The following EYS variants were observed in gnomAD, a reference collection of about 807,000 sequenced individuals.
EYS encodes EGF-like photoreceptor maintenance factor.
Under a neutral mutation model 282.1 loss-of-function variants are expected in EYS, and 250 were observed. The ratio of observed to expected loss-of-function variants is 0.89; its 90% confidence interval spans 0.80 to 0.98. The LOEUF (loss-of-function observed/expected upper bound fraction) is 0.98. Ranked by LOEUF, EYS falls within the 50% of genes least tolerant of loss-of-function variation. The pLI is 0.00. For synonymous variants in EYS, 1,355 were observed against 1,282.9 expected (o/e 1.06, Z -1.20); for missense variants, 4,016 against 3,709.0 (o/e 1.08, Z -2.15).
chr6:64,621,746 A>G (rs1025220984), intron 23 of EYS, among the ~76,000 whole-genome samples: 2 of 152,178 alleles, frequency 1.3e-5, no homozygotes, highest in African/African-American at 4.8e-5. Flanking sequence ...CAAAACATGC[A>G]TTTGAAGTTT....
intron 11 of EYS, among the ~76,000 whole-genome samples, chr6:65,297,004 A>C (rs1471572475): frequency 1.3e-5 from 2 of 151,740 alleles, no homozygotes; most frequent in Non-Finnish European, 2.9e-5. Context: ...AAACACACAC[A>C]CATCTGTTCA....
At chr6:65,633,425 T>C (rs1417794279) in intron 2 of EYS, among the ~76,000 whole-genome samples, 1 of 152,242 alleles carries the variant, frequency 6.6e-6, no homozygotes, top group Non-Finnish European at 1.5e-5. Flanking sequence ...CCAGAGAGTT[T>C]TCAAAGCATT....
At chr6:65,022,254 C>A (rs140179737) in intron 13 of EYS, among the ~76,000 whole-genome samples, 3 of 152,264 alleles carry the variant, frequency 2.0e-5, no homozygotes, top group African/African-American at 7.2e-5. Flanking sequence ...GCTACAGAAC[C>A]CCAGGTGACT....
intron 39 of EYS, among the ~76,000 whole-genome samples, chr6:63,784,335 G>T (rs1770311365): frequency 6.6e-6 from 1 of 152,070 alleles, no homozygotes; most frequent in Non-Finnish European, 1.5e-5. Flanking sequence ...AATACAGATA[G>T]ATTTTATTGA....
chr6:63,803,822 G>T (rs1377408674), intron 37 of EYS, among the ~76,000 whole-genome samples: 1 of 152,070 alleles, frequency 6.6e-6, no homozygotes, highest in Non-Finnish European at 1.5e-5. Context: ...AGTGAAAACA[G>T]ACAAGAAACA....
At chr6:65,172,073 T>C (rs1765117288) in intron 12 of EYS, among the ~76,000 whole-genome samples, 1 of 151,412 alleles carries the variant, frequency 6.6e-6, no homozygotes, top group Non-Finnish European at 1.5e-5. Flanking sequence ...GAAGAACAAA[T>C]AGTAAACTGA....
At chr6:63,833,035 C>T (rs550464881) in intron 36 of EYS, among the ~76,000 whole-genome samples, 2 of 152,280 alleles carry the variant, frequency 1.3e-5, no homozygotes, top group East Asian at 3.9e-4. Flanking sequence ...GCTAAAAACT[C>T]TCAATAAACT....
intron 31 of EYS, among the ~76,000 whole-genome samples, chr6:64,142,611 T>A (rs932164381): frequency 2.0e-5 from 3 of 152,094 alleles, no homozygotes; most frequent in African/African-American, 7.2e-5. Flanking sequence ...TAGAAGGCCA[T>A]CAGGGATTAA....
chr6:64,545,881 C>T (rs978264292), intron 26 of EYS, among the ~76,000 whole-genome samples: 1 of 152,124 alleles, frequency 6.6e-6, no homozygotes, highest in African/African-American at 2.4e-5. Flanking sequence ...AGGATACAAA[C>T]AAATGGAAGA....
intron 18 of EYS, among the ~76,000 whole-genome samples, chr6:64,887,902 A>G (rs753813329): frequency 1.3e-5 from 2 of 152,078 alleles, no homozygotes; most frequent in Non-Finnish European, 2.9e-5. Flanking sequence ...CTCAGTATTA[A>G]TAAAGAAGGA....
intron 22 of EYS, among the ~76,000 whole-genome samples, chr6:64,675,428 C>CTTTTTTT (rs56346431): frequency 1.2e-4 from 14 of 114,644 alleles, no homozygotes; most frequent in East Asian, 5.2e-4. Flanking sequence ...CTTTTTTTTT[C>CTTTTTTT]TTTTTTTTTT....
At chr6:64,243,665 A>G (rs1562269314) in intron 30 of EYS, among the ~76,000 whole-genome samples, 1 of 152,348 alleles carries the variant, frequency 6.6e-6, no homozygotes, top group East Asian at 1.9e-4. Flanking sequence ...TAGAAAAAAG[A>G]GTTGGTGGAT....
At chr6:65,041,610 T>G (rs1169043214) in intron 13 of EYS, among the ~76,000 whole-genome samples, 1 of 151,714 alleles carries the variant, frequency 6.6e-6, no homozygotes, top group African/African-American at 2.4e-5. Context: ...TAAAAATATT[T>G]TTTCTAAATT....
chr6:65,610,731 A>G (rs1044123212), intron 2 of EYS, among the ~76,000 whole-genome samples: 7 of 152,094 alleles, frequency 4.6e-5, no homozygotes, highest in African/African-American at 1.7e-4. Context: ...GATGCTTGCA[A>G]TATTCAGCTT....
intron 12 of EYS, among the ~76,000 whole-genome samples, chr6:65,063,937 T>A (rs1165579223): frequency 6.6e-6 from 1 of 151,718 alleles, no homozygotes; most frequent in East Asian, 1.9e-4. Context: ...CTCATTTGGA[T>A]TTTACACTAA....
chr6:64,295,133 A>G (rs7762420), intron 30 of EYS, among the ~76,000 whole-genome samples: 102,916 of 150,224 alleles, frequency 0.69, 35,272 homozygotes, highest in South Asian at 0.71. Context: ...CCAGCACTTT[A>G]GGAGGCCGAA....
At chr6:64,114,387 G>A (rs1773308097) in intron 31 of EYS, among the ~76,000 whole-genome samples, 1 of 152,070 alleles carries the variant, frequency 6.6e-6, no homozygotes, top group African/African-American at 2.4e-5. Flanking sequence ...TCTGCAAGGT[G>A]GTAGAGTAGA....
At chr6:64,817,702 T>A (rs1472865808) in intron 21 of EYS, among the ~76,000 whole-genome samples, 1 of 152,126 alleles carries the variant, frequency 6.6e-6, no homozygotes, top group Non-Finnish European at 1.5e-5. Flanking sequence ...GAACATATGG[T>A]ATTTGTTTTT....
chr6:63,829,091 T>C (rs1255282629), intron 36 of EYS, among the ~76,000 whole-genome samples: 1 of 152,100 alleles, frequency 6.6e-6, no homozygotes, highest in Non-Finnish European at 1.5e-5. Flanking sequence ...ATGCCATCAA[T>C]CAACAATGAG....
Sources: gnomAD v4.1 joint callset for allele counts (sites outside exome capture counted in the v4.1 genomes callset) on GRCh38, gnomAD v4.1.1 for gene constraint, MANE v1.5 for transcripts, NCBI Gene and HGNC (gene_info 2026-07-23, HGNC 2026-07-21) for gene names.